The following SLC18B1 variants were observed in gnomAD, a reference collection of about 807,000 sequenced individuals.
The protein encoded by SLC18B1 is solute carrier family 18 member B1.
In SLC18B1, 62 loss-of-function variants were observed where a neutral mutation model predicts 53.9. That is an observed-to-expected ratio of 1.15 (90% CI 0.94 to 1.42). The LOEUF (loss-of-function observed/expected upper bound fraction) is 1.42. SLC18B1 is among the 40% of genes most tolerant of loss of function. SLC18B1 has a pLI of 0.00. For missense variants in SLC18B1, 598 were observed against 547.3 expected (o/e 1.09, Z -0.93); for synonymous variants, 217 against 200.9 (o/e 1.08, Z -0.68).
chr6:132,792,341 A>G (rs1781566531), intron 2 of SLC18B1, among the ~76,000 whole-genome samples: 1 of 106,702 alleles, frequency 9.4e-6, no homozygotes, highest in African/African-American at 6.0e-5. Context: ...GGAAGGAAGG[A>G]AGGAAGGAAG....
At chr6:132,788,925 CAAA>C (rs11439950) in intron 4 of SLC18B1, among the ~76,000 whole-genome samples, 13 of 104,890 alleles carry the variant, frequency 1.2e-4, no homozygotes, top group African/African-American at 4.1e-4. Flanking sequence ...CTGAAACCTT[CAAA>C]AAAAAAAAAA....
chr6:132,773,516 C>T (rs1015130350), intron 9 of SLC18B1, among the ~76,000 whole-genome samples: 2 of 152,164 alleles, frequency 1.3e-5, no homozygotes, highest in Admixed American at 6.5e-5. Flanking sequence ...CACATTTGTT[C>T]CATGTGAGGA....
At chr6:132,798,287 A>T (rs1356926727) in intron 1 of SLC18B1, 127 bp downstream of exon 1, 20 of 1,034,502 alleles carry the variant, frequency 1.9e-5, no homozygotes, top group Non-Finnish European at 2.6e-5. Flanking sequence ...GAACCCCACG[A>T]TCAGGCCCCA....
At chr6:132,786,078 T>A (rs1297479959) in intron 5 of SLC18B1, among the ~76,000 whole-genome samples, 3 of 152,116 alleles carry the variant, frequency 2.0e-5, no homozygotes, top group Non-Finnish European at 4.4e-5. Context: ...GACAGCCCTC[T>A]CCAAACTTGC....
intron 2 of SLC18B1, among the ~76,000 whole-genome samples, chr6:132,796,224 G>A (rs1374639300): frequency 6.6e-6 from 1 of 151,388 alleles, no homozygotes; most frequent in Non-Finnish European, 1.5e-5. Flanking sequence ...GCGTAGTGGC[G>A]GGTACCTGTA....
chr6:132,775,025 A>G (rs564943921), intron 8 of SLC18B1, among the ~76,000 whole-genome samples: 2 of 152,328 alleles, frequency 1.3e-5, no homozygotes, highest in East Asian at 1.9e-4. Context: ...TGTCCCCCCA[A>G]AATTTATATG....
Position 132,770,918 on chromosome 6 carries a change from A to G in SLC18B1, c.1276T>C (p.Tyr426His). The G allele has an allele frequency of 6.2e-7, 1 of 1,612,540 alleles. No homozygotes were observed. Residue 426 changes from tyrosine to histidine, a missense_variant, in exon 13 of 14, where the codon TAT becomes CAT. Physicochemically the swap from Tyr to His is moderately conservative, Grantham distance 83. Transcript: ENST00000275227. The part of the protein sequence containing the change: ...LISGLAMGLF[Y>H]LLEYSRRKRS... ...TTTCTCCTTGAATACTCCAGTAGAT[A>G]AAACAAGCCCATGGCTAATCCCTTA...
chr6:132,776,221 A>AAT, intron 8 of SLC18B1, 107 bp downstream of exon 8: 1 of 828,706 alleles, frequency 1.2e-6, no homozygotes, highest in Non-Finnish European at 1.9e-6. Flanking sequence ...AGTCCAATTG[A>AAT]ATATATCAAG....
rs1382502643 is a variant in SLC18B1 at position 132,774,230 on chromosome 6, AT to A, written c.980del (p.His327LeufsTer11). On this transcript the variant is annotated frameshift_variant, in exon 9 of 14. Coordinates refer to ENST00000275227, the MANE Select transcript of SLC18B1 (RefSeq NM_052831.3). LOFTEE classifies it high-confidence loss of function. ...YMLLGPVPIL[H>X]IKSQLWLLVL... ...AAGAAGAAAAAAATTACCTTTTAATATGCAAGATTGGGACAGGCCCTAAGAG... is the reference window on the plus strand; with the variant it reads ...AAGAAGAAAAAAATTACCTTTTAATAGCAAGATTGGGACAGGCCCTAAGAG... 1 of 1,595,652 alleles carries A rather than the reference AT, an allele frequency of 6.3e-7. No individual in the cohort carries two copies. Among genetic ancestry groups the A allele is most frequent in the Non-Finnish European group, 8.5e-7 (1 of 1,172,034 alleles).
chr6:132,772,912 C>A (rs1308803412), intron 10 of SLC18B1, 81 bp downstream of exon 10: 2 of 1,016,170 alleles, frequency 2.0e-6, no homozygotes, highest in Non-Finnish European at 1.5e-6. Context: ...CAACATGCTG[C>A]AAAATTGAGA....
chr6:132,770,473 C>T lies in SLC18B1; in HGVS notation c.1305-137G>A, dbSNP rs55736382. ...TCTACTGCCCGGGCATGGTGGCTCA[C>T]GCCTGTAATCCCAGCATTTTGGGAG... On this transcript the variant is annotated intron_variant, in intron 13 of 13. Transcript: ENST00000275227. 4,724 of 701,372 alleles carry T rather than the reference C, an allele frequency of 6.7e-3. 171 individuals are homozygous for T. The African/African-American group carries it at 0.074, about 11-fold the overall frequency. The allele number at this position is 701,372 out of a possible 1,614,324, so 43.4% of individuals were successfully genotyped here.
At position 132,774,230 on chromosome 6, in the gene SLC18B1, A is replaced by G. The variant is rs1375093965; in HGVS notation, c.981T>C (p.His327=). The part of the protein sequence containing the change: ...YMLLGPVPIL[H]IKSQLWLLVL... ...AAGAAGAAAAAAATTACCTTTTAAT[A>G]TGCAAGATTGGGACAGGCCCTAAGA... Residue 327 remains histidine, a synonymous_variant, in exon 9 of 14, where the codon CAT becomes CAC. Transcript: ENST00000275227. The G allele has an allele frequency of 6.3e-7, 1 of 1,595,652 alleles. No homozygotes were observed. The highest frequency in any genetic ancestry group is 1.3e-5 in the African/African-American group (1 of 74,362).
At position 132,770,245 on chromosome 6, in the gene SLC18B1, T is replaced by C. The variant is rs2114656349; in HGVS notation, c.*25A>G. The stretch of plus-strand genomic sequence containing the variant: ...GGCCAGGAGCATTCATTTCTCAACC[T>C]TGTATCAATCCAGGATCCATCGGAC... On this transcript the variant is annotated 3_prime_UTR_variant, in exon 14 of 14. Transcript: ENST00000275227. The C allele has an allele frequency of 6.3e-7, 1 of 1,596,148 alleles. No individual in the cohort carries two copies. Among genetic ancestry groups the C allele is most frequent in the East Asian group, 2.2e-5 (1 of 44,774 alleles).
Position 132,787,626 on chromosome 6 carries a change from T to C in SLC18B1, c.354-45A>G, listed in dbSNP as rs762178908. ...TTCTGAAATGCCAAGCTGGTTTTCTTTTTTTTTTTTTCCTTTTTAACTGTA... is the reference window on the plus strand; with the variant it reads ...TTCTGAAATGCCAAGCTGGTTTTCTCTTTTTTTTTTTCCTTTTTAACTGTA... On this transcript the variant is annotated intron_variant, in intron 4 of 13. Transcript: ENST00000275227. 9 of 1,220,060 alleles carry C rather than the reference T, an allele frequency of 7.4e-6. No individual in the cohort carries two copies. The African/African-American group carries it at 9.3e-5, about 13-fold the overall frequency. The allele number at this position is 1,220,060 out of a possible 1,614,324, so 75.6% of individuals were successfully genotyped here.
intron 2 of SLC18B1, among the ~76,000 whole-genome samples, chr6:132,792,924 G>A (rs984437220): frequency 6.6e-6 from 1 of 152,126 alleles, no homozygotes; most frequent in Non-Finnish European, 1.5e-5. Flanking sequence ...TTCGAGACCA[G>A]CCTGGCCAAT....
intron 6 of SLC18B1, among the ~76,000 whole-genome samples, chr6:132,781,416 C>T (rs1781232045): frequency 6.6e-6 from 1 of 151,966 alleles, no homozygotes; most frequent in African/African-American, 2.4e-5. Flanking sequence ...ACCACTATGG[C>T]ACTACTTACA....
chr6:132,773,500 A>G (rs1050474585), intron 9 of SLC18B1, among the ~76,000 whole-genome samples: 1 of 152,246 alleles, frequency 6.6e-6, no homozygotes, highest in African/African-American at 2.4e-5. Flanking sequence ...AAGAAGAGTC[A>G]GGAAACACAT....
intron 4 of SLC18B1, 42 bp from the exon 5 acceptor site, chr6:132,787,623 TC>T (rs781105367): frequency 1.2e-5 from 17 of 1,472,072 alleles, no homozygotes; most frequent in Middle Eastern, 1.9e-4. Context: ...AAGCTGGTTT[TC>T]TTTTTTTTTT....
At position 132,798,604 on chromosome 6, in the gene SLC18B1, C is replaced by G. The variant is rs868727562; in HGVS notation, c.-148G>C. Reference sequence around the variant, plus strand: ...GACTCCCTGCAGGCAGCGATCCGCCCGGCCCGGAGCTCCCCAAAGCCTTCC... The same window carrying G: ...GACTCCCTGCAGGCAGCGATCCGCCGGGCCCGGAGCTCCCCAAAGCCTTCC... On this transcript the variant is annotated 5_prime_UTR_variant, in exon 1 of 14. Transcript: ENST00000275227. 1.0e-5 allele frequency: 8 copies of G among 799,664 alleles called. No homozygotes were observed. Among genetic ancestry groups the G allele is most frequent in the African/African-American group, 3.6e-5 (2 of 55,518 alleles). The allele number at this position is 799,664 out of a possible 1,614,324, so 49.5% of individuals were successfully genotyped here.
Sources: allele counts gnomAD v4.1 joint callset (sites outside exome capture counted in the v4.1 genomes callset), GRCh38; gene constraint gnomAD v4.1.1; transcripts MANE v1.5; gene names NCBI Gene and HGNC (gene_info 2026-07-23, HGNC 2026-07-21).